The following MUSK variants were observed in gnomAD, a reference collection of about 807,000 sequenced individuals.
The protein encoded by MUSK is muscle, skeletal receptor tyrosine-protein kinase.
MUSK carries 55 observed loss-of-function variants against 88.7 expected under a neutral mutation model. The ratio of observed to expected loss-of-function variants is 0.62; its 90% CI spans 0.50 to 0.78. MUSK has a LOEUF of 0.78. Ranked by LOEUF, MUSK falls within the 30% of genes least tolerant of loss-of-function variation. The pLI is 0.00. For missense variants in MUSK, 1,015 were observed against 1,074.3 expected (o/e 0.94, Z 0.77); for synonymous variants, 387 against 391.9 (o/e 0.99, Z 0.15).
intron 1 of MUSK, among the ~76,000 whole-genome samples, chr9:110,678,750 T>C (rs571935514): frequency 3.3e-5 from 5 of 152,290 alleles, no homozygotes; most frequent in African/African-American, 9.6e-5. Flanking sequence ...TTAATTTTCA[T>C]GGGCATTTGA....
intron 9 of MUSK, among the ~76,000 whole-genome samples, chr9:110,774,868 C>T (rs58000744): frequency 0.041 from 4,458 of 108,218 alleles, 226 homozygotes; most frequent in African/African-American, 0.13. Context: ...CATATATATA[C>T]ACACACACAC....
intron 5 of MUSK, among the ~76,000 whole-genome samples, chr9:110,697,846 T>C (rs1369742793): frequency 6.6e-6 from 1 of 151,850 alleles, no homozygotes; most frequent in Admixed American, 6.6e-5. Context: ...AGAACAACTT[T>C]AAAAAGATGT....
At chr9:110,788,549 T>G (rs1447397194) in intron 14 of MUSK, among the ~76,000 whole-genome samples, 1 of 151,742 alleles carries the variant, frequency 6.6e-6, no homozygotes, top group African/African-American at 2.4e-5. Flanking sequence ...TGAGAATCGC[T>G]TACACCGGGG....
intron 7 of MUSK, among the ~76,000 whole-genome samples, chr9:110,758,120 C>A (rs760091148): frequency 6.6e-6 from 1 of 152,092 alleles, no homozygotes; most frequent in East Asian, 1.9e-4. Flanking sequence ...TGTGCCATAA[C>A]GCCCAGCTAA....
chr9:110,744,016 G>A (rs2077138192), intron 6 of MUSK, among the ~76,000 whole-genome samples: 1 of 150,996 alleles, frequency 6.6e-6, no homozygotes, highest in Admixed American at 6.6e-5. Context: ...TCATGAGGCT[G>A]GAGTGCAGTG....
chr9:110,779,580 G>T (rs1183207557), intron 11 of MUSK, among the ~76,000 whole-genome samples: 1 of 152,036 alleles, frequency 6.6e-6, no homozygotes, highest in East Asian at 1.9e-4. Context: ...ATCCAGAACT[G>T]AACACAAAGC....
rs777853943 is a variant in MUSK at position 110,787,773 on chromosome 9, C to T, written c.1862C>T (p.Ala621Val). The change falls in exon 14 of 15, where the codon GCG becomes GTG. Residue 621 changes from alanine to valine, a missense_variant. Transcript: ENST00000374448. ...LKEEASADMQ[A>V]DFQREAALMA... ...GAAGAAGCCTCGGCAGATATGCAAG[C>T]GGACTTTCAGAGGGAGGCAGCCCTC... 21 of 1,613,692 alleles carry T rather than the reference C, an allele frequency of 1.3e-5. No homozygotes were observed. The East Asian group carries it at 1.3e-4, about 10-fold the overall frequency.
chr9:110,755,636 A>G (rs1039476946), intron 7 of MUSK, among the ~76,000 whole-genome samples: 5 of 151,748 alleles, frequency 3.3e-5, no homozygotes, highest in Admixed American at 2.6e-4. Context: ...CATAATTTAA[A>G]CCTCATCTGC....
Position 110,775,804 on chromosome 9 carries a change from G to T in MUSK, c.1201G>T (p.Val401Leu). 6.2e-7 allele frequency: 1 copy of T among 1,613,872 alleles called. No individual in the cohort carries two copies. Among genetic ancestry groups the T allele is most frequent in the Non-Finnish European group, 8.5e-7 (1 of 1,179,806 alleles). Residue 401 changes from valine (V) to leucine (L), a missense_variant, in exon 10 of 15, where the codon GTA (valine) becomes TTA (leucine). By Grantham distance (32) the Val-to-Leu change is conservative. Transcript: ENST00000374448. ...CTATTTTAGAGAGTACTGCTTGGCAGTAAAGGAGCTCTTCTGCGCAAAAGA... is the reference window on the plus strand; with the variant it reads ...CTATTTTAGAGAGTACTGCTTGGCATTAAAGGAGCTCTTCTGCGCAAAAGA... ...IPICREYCLA[V>L]KELFCAKEWL... is the part of the protein sequence containing the mutation.
chr9:110,701,734 A>T (rs1387837653), intron 5 of MUSK, among the ~76,000 whole-genome samples: 4 of 116 alleles, frequency 0.034, no homozygotes, highest in South Asian at 0.25. Flanking sequence ...ATTTTATTTT[A>T]TTTTATTTTA....
At chr9:110,686,297 C>G (rs545516279) in intron 2 of MUSK, among the ~76,000 whole-genome samples, 1 of 152,086 alleles carries the variant, frequency 6.6e-6, no homozygotes, top group Non-Finnish European at 1.5e-5. Flanking sequence ...TACTTATTAT[C>G]ACACAGGGAC....
chr9:110,701,660 TATTTA>T (rs779733141), intron 5 of MUSK, among the ~76,000 whole-genome samples: 787 of 32,832 alleles, frequency 0.024, 310 homozygotes, highest in Admixed American at 0.027. Flanking sequence ...CTATTTATTT[TATTTA>T]TTTTATTTTA....
At chr9:110,778,992 G>A (rs1743656163) in intron 11 of MUSK, among the ~76,000 whole-genome samples, 1 of 151,586 alleles carries the variant, frequency 6.6e-6, no homozygotes, top group East Asian at 1.9e-4. Flanking sequence ...TTGTGTCCCA[G>A]ACCATTTTTC....
At position 110,801,014 on chromosome 9, in the gene MUSK, TGCA is replaced by T; in HGVS notation, c.*28_*30del. The T allele has an allele frequency of 6.7e-7, 1 of 1,490,228 alleles. No homozygotes were observed. Among genetic ancestry groups the T allele is most frequent in the Non-Finnish European group, 8.9e-7 (1 of 1,125,010 alleles). The allele number at this position is 1,490,228 out of a possible 1,614,324, so 92.3% of individuals were successfully genotyped here. A position where few individuals can be genotyped will look rare whatever the true frequency, so the allele number is the denominator to read the frequency against. On this transcript the variant is annotated 3_prime_UTR_variant, in exon 15 of 15. Transcript: ENST00000374448. ...GGTTGAAGACGTTCAAATAAAATGC[TGCA>T]GTTTCCTCTCAGACTCTGTGAGCCA...
chr9:110,787,921 C>A, intron 14 of MUSK, 83 bp downstream of exon 14: 1 of 1,460,810 alleles, frequency 6.8e-7, no homozygotes, highest in Non-Finnish European at 9.4e-7. Context: ...GTGCTTTTTC[C>A]TTTTCTCCTT....
chr9:110,768,055 G>A lies in MUSK; in HGVS notation c.1156G>A (p.Val386Ile). The A allele has an allele frequency of 1.2e-6, 2 of 1,613,646 alleles. No homozygotes were observed. The highest frequency in any genetic ancestry group is 1.7e-6 in the Non-Finnish European group (2 of 1,179,624). The change falls in exon 9 of 15, where the codon GTA becomes ATA. Residue 386 changes from valine (V) to isoleucine (I), a missense_variant. Physicochemically the swap from Val to Ile is conservative, Grantham distance 29. Coordinates refer to ENST00000374448, the MANE Select transcript of MUSK (RefSeq NM_005592.4). ...CATCTTCCAGGAGTGCAGTCCTGGA[G>A]TAGTGCCTACTCCTATTCCCATTTG... is the stretch of plus-strand genomic sequence containing the variant. ...NHIFQECSPGVVPTPIPICRE... is the reference protein window; with the variant it reads ...NHIFQECSPGIVPTPIPICRE...
At chr9:110,690,066 G>C (rs1473815222) in intron 3 of MUSK, among the ~76,000 whole-genome samples, 3 of 86,012 alleles carry the variant, frequency 3.5e-5, no homozygotes, top group Non-Finnish European at 5.8e-5. Flanking sequence ...TATATATTAT[G>C]TAAGTATAAA....
chr9:110,697,260 A>G (rs1329145983), intron 4 of MUSK, 65 bp from the exon 5 acceptor site: 2 of 1,546,626 alleles, frequency 1.3e-6, no homozygotes, highest in East Asian at 2.3e-5. Context: ...AGTTGATGAT[A>G]TTTGGCAAAT....
At chr9:110,679,173 A>G (rs1054212812) in intron 1 of MUSK, among the ~76,000 whole-genome samples, 2 of 152,022 alleles carry the variant, frequency 1.3e-5, no homozygotes, top group African/African-American at 4.8e-5. Flanking sequence ...TTAGTGTCTG[A>G]AGGAGATCTC....
Sources: gnomAD v4.1 joint callset for allele counts (sites outside exome capture counted in the v4.1 genomes callset) on GRCh38, gnomAD v4.1.1 for gene constraint, MANE v1.5 for transcripts, NCBI Gene and HGNC (gene_info 2026-07-23, HGNC 2026-07-21) for gene names.